The following KHDRBS2 variants were observed in gnomAD, a reference collection of about 807,000 sequenced individuals.
The protein encoded by KHDRBS2 is KH domain-containing, RNA-binding, signal transduction-associated protein 2.
In KHDRBS2, 26 loss-of-function variants were observed where a neutral mutation model predicts 44.3. That is an observed-to-expected ratio of 0.59 (90% CI 0.43 to 0.81). KHDRBS2 has a LOEUF of 0.81. Among genes scored for constraint, KHDRBS2 ranks in the 40% least tolerant of loss-of-function variants. The pLI is 0.00. For synonymous variants in KHDRBS2, 194 were observed against 151.1 expected (o/e 1.28, Z -2.08); for missense variants, 476 against 433.1 (o/e 1.10, Z -0.88).
chr6:62,014,502 A>T (rs1217533436), intron 3 of KHDRBS2, among the ~76,000 whole-genome samples: 3 of 152,264 alleles, frequency 2.0e-5, no homozygotes, highest in Non-Finnish European at 4.4e-5. Flanking sequence ...AACATAACAA[A>T]TTGCTGTCTC....
intron 3 of KHDRBS2, among the ~76,000 whole-genome samples, chr6:62,038,508 T>G (rs2127297732): frequency 1.3e-5 from 2 of 152,218 alleles, no homozygotes; most frequent in Middle Eastern, 6.8e-3. Context: ...TAGATTACTA[T>G]TCAACTTTTG....
chr6:61,786,458 TA>T (rs1783824443), intron 6 of KHDRBS2, among the ~76,000 whole-genome samples: 1 of 151,984 alleles, frequency 6.6e-6, no homozygotes, highest in African/African-American at 2.4e-5. Flanking sequence ...TTTTGAAAAT[TA>T]AAATATCCAT....
chr6:61,898,385 A>G (rs1183699349), intron 5 of KHDRBS2, among the ~76,000 whole-genome samples: 1 of 152,024 alleles, frequency 6.6e-6, no homozygotes, highest in Non-Finnish European at 1.5e-5. Context: ...TACATGTAAT[A>G]CATTTAATGT....
chr6:62,196,225 G>C (rs1825672873), intron 1 of KHDRBS2, among the ~76,000 whole-genome samples: 1 of 152,128 alleles, frequency 6.6e-6, no homozygotes, highest in Non-Finnish European at 1.5e-5. Flanking sequence ...TATAGAATAA[G>C]TTGAAATATT....
chr6:61,619,612 G>A, the KHDRBS2 span, among the ~76,000 whole-genome samples: 2 of 152,158 alleles, frequency 1.3e-5, no homozygotes, highest in South Asian at 2.1e-4. Context: ...GTGCCACCAC[G>A]CCTGGCTAAT....
At chr6:61,584,871 T>G in the KHDRBS2 span, among the ~76,000 whole-genome samples, 18 of 151,552 alleles carry the variant, frequency 1.2e-4, no homozygotes, top group Non-Finnish European at 1.6e-4. Context: ...AAAAAAATTT[T>G]AAAGCGTAAT....
At chr6:61,961,071 T>C (rs1231196824) in intron 4 of KHDRBS2, among the ~76,000 whole-genome samples, 1 of 152,120 alleles carries the variant, frequency 6.6e-6, no homozygotes, top group Non-Finnish European at 1.5e-5. Context: ...GAGACTTGTA[T>C]GGATAAAGAG....
chr6:62,169,134 C>CACACATATATGTGTGTATATATACGT (rs1562991497), intron 2 of KHDRBS2, among the ~76,000 whole-genome samples: 14 of 117,456 alleles, frequency 1.2e-4, no homozygotes, highest in Non-Finnish European at 8.7e-5. Context: ...TATACATATA[C>CACACATATATGTGTGTATATATACGT]ACACATATAT....
the KHDRBS2 span, among the ~76,000 whole-genome samples, chr6:61,567,813 T>G: frequency 1.2e-4 from 19 of 152,254 alleles, no homozygotes; most frequent in South Asian, 3.9e-3. Flanking sequence ...TTTTTTAATC[T>G]ATGAAACCAA....
intron 6 of KHDRBS2, among the ~76,000 whole-genome samples, chr6:61,883,441 CAA>C (rs1156235623): frequency 6.6e-6 from 1 of 151,946 alleles, no homozygotes; most frequent in African/African-American, 2.4e-5. Flanking sequence ...GTAAGTGTTA[CAA>C]AAGACATTAG....
chr6:61,835,952 G>A lies in KHDRBS2; in HGVS notation c.810+58683C>T, dbSNP rs1348592167. 2.6e-5 allele frequency among the ~76,000 whole-genome samples: 4 copies of A among 151,862 alleles called. No individual in the cohort carries two copies. In the East Asian group the frequency reaches 7.8e-4, roughly 29 times the overall value. Reference sequence around the variant, plus strand: ...TTATTCTACTATTTTTAAACTAGAGGATATTTCCCGGGATAACAAACATTG... The same window carrying A: ...TTATTCTACTATTTTTAAACTAGAGAATATTTCCCGGGATAACAAACATTG... On this transcript the variant is annotated intron_variant, in intron 6 of 8. Transcript: ENST00000281156.
intron 6 of KHDRBS2, among the ~76,000 whole-genome samples, chr6:61,771,155 C>T (rs920692594): frequency 4.6e-5 from 7 of 152,100 alleles, no homozygotes; most frequent in African/African-American, 1.7e-4. Context: ...TTGTCACCAC[C>T]AGGCCTGCCC....
the KHDRBS2 span, chr6:61,652,445 C>T: frequency 6.6e-6 from 1 of 151,642 alleles, no homozygotes; most frequent in African/African-American, 2.4e-5. Context: ...ATATATTTTA[C>T]ATATTTATAT....
intron 2 of KHDRBS2, among the ~76,000 whole-genome samples, chr6:62,121,086 A>T (rs1422980132): frequency 6.6e-6 from 1 of 152,116 alleles, no homozygotes; most frequent in Non-Finnish European, 1.5e-5. Flanking sequence ...GGTCCTACTT[A>T]GTGGGTCCAG....
At chr6:61,779,497 C>A (rs1362431636) in intron 6 of KHDRBS2, among the ~76,000 whole-genome samples, 3 of 151,996 alleles carry the variant, frequency 2.0e-5, no homozygotes, top group African/African-American at 7.2e-5. Context: ...GTATGGTAAC[C>A]TGTAGAATAT....
rs949393010 is a variant in KHDRBS2 at position 62,034,735 on chromosome 6, G to A, written c.336+13143C>T. Among the ~76,000 whole-genome samples the A allele has an allele frequency of 3.5e-5, 5 of 142,048 alleles. No individual in the cohort carries two copies. The South Asian group carries it at 1.1e-3, about 32-fold the overall frequency. The allele number at this position is 142,048 out of a possible 152,430, so 93.2% of individuals were successfully genotyped here. A position where few individuals can be genotyped will look rare whatever the true frequency, so the allele number is the denominator to read the frequency against. Reference sequence around the variant, plus strand: ...AAAAAAACCTTTCTCCTCAAATCAGGAAGATGACAAGAATGCCCACTTTCA... The same window carrying A: ...AAAAAAACCTTTCTCCTCAAATCAGAAAGATGACAAGAATGCCCACTTTCA... On this transcript the variant is annotated intron_variant, in intron 3 of 8. Transcript: ENST00000281156.
Position 61,978,289 on chromosome 6 carries a change from AG to A in KHDRBS2, c.337-78del. 4.2e-6 allele frequency: 5 copies of A among 1,178,706 alleles called. No homozygotes were observed. In the South Asian group the frequency reaches 7.7e-5, roughly 18 times the overall value. The allele number at this position is 1,178,706 out of a possible 1,614,324, so 73.0% of individuals were successfully genotyped here. On this transcript the variant is annotated intron_variant, in intron 3 of 8. Coordinates refer to ENST00000281156, the MANE Select transcript of KHDRBS2 (RefSeq NM_152688.4). ...TTAACATTTACTGAGAATATGACAA[AG>A]GTGTATAATTTAAGCAAATTTTCCA...
At chr6:62,143,886 T>C (rs1813380505) in intron 2 of KHDRBS2, among the ~76,000 whole-genome samples, 1 of 151,874 alleles carries the variant, frequency 6.6e-6, no homozygotes, top group Non-Finnish European at 1.5e-5. Flanking sequence ...GTCTTGTATT[T>C]ATCCTTTTGA....
intron 3 of KHDRBS2, among the ~76,000 whole-genome samples, chr6:61,990,892 T>C (rs1043566382): frequency 6.6e-6 from 1 of 152,058 alleles, no homozygotes; most frequent in African/African-American, 2.4e-5. Context: ...TGTATTTTAG[T>C]ACAGACAGGG....
Sources: gnomAD v4.1 joint callset for allele counts (sites outside exome capture counted in the v4.1 genomes callset) on GRCh38, gnomAD v4.1.1 for gene constraint, MANE v1.5 for transcripts, NCBI Gene and HGNC (gene_info 2026-07-23, HGNC 2026-07-21) for gene names.